The following CACNA1B variants were observed in gnomAD, a reference collection of about 807,000 sequenced individuals.
CACNA1B encodes the protein calcium voltage-gated channel subunit alpha1 B, also known as voltage-dependent N-type calcium channel subunit alpha-1B.
In CACNA1B, 70 loss-of-function variants were observed where a neutral mutation model predicts 247.2. That is an observed-to-expected ratio of 0.28 (90% CI 0.23 to 0.35). CACNA1B has a LOEUF of 0.35. Among genes scored for constraint, CACNA1B ranks in the 10% least tolerant of loss-of-function variants. The pLI, the probability that CACNA1B is intolerant of heterozygous loss-of-function variation, is 1.00. For missense variants in CACNA1B, 2,367 were observed against 3,197.4 expected, an observed-to-expected ratio of 0.74 and a Z score of 6.26; for synonymous variants, 1,231 against 1,294.4, an observed-to-expected ratio of 0.95 and a Z score of 1.05.
At chr9:138,091,027 C>T (rs1181464220) in intron 36 of CACNA1B, among the ~76,000 whole-genome samples, 2 of 152,102 alleles carry the variant, frequency 1.3e-5, no homozygotes, top group African/African-American at 4.8e-5. Flanking sequence ...CTAGCAATTC[C>T]ACTACTGGGT....
At chr9:138,039,137 A>G (rs1383855429) in intron 20 of CACNA1B, among the ~76,000 whole-genome samples, 2 of 152,114 alleles carry the variant, frequency 1.3e-5, no homozygotes, top group Non-Finnish European at 2.9e-5. Flanking sequence ...CAGAGGTTGT[A>G]GTGAGCCAAG....
rs1164495012 is a variant in CACNA1B, at chr9:138,051,914, G to T, written c.3711-178G>T. ...GAGGCCCGGGCCAGGCAGCCCCTGG[G>T]AAGAGTCATGGTGGCCTGTGGCACC... On this transcript the variant is annotated intron_variant, in intron 24 of 46. Coordinates refer to ENST00000371372, the MANE Select transcript of CACNA1B (RefSeq NM_000718.4). The surrounding 1 kb of genome is among the most constrained non-coding windows in gnomAD (Gnocchi z 4.3). Among the ~76,000 whole-genome samples, 1 of 152,144 alleles carries T rather than the reference G, an allele frequency of 6.6e-6. No individual in the cohort carries two copies. The highest frequency in any genetic ancestry group is 2.4e-5 in the African/African-American group (1 of 41,436).
At chr9:137,964,140 A>G (rs949600974) in intron 10 of CACNA1B, among the ~76,000 whole-genome samples, 1 of 151,828 alleles carries the variant, frequency 6.6e-6, no homozygotes, top group Admixed American at 6.6e-5. Flanking sequence ...CTTCACTTCA[A>G]CCTTAGAGAG....
At chr9:137,941,986 T>G (rs1009614113) in intron 6 of CACNA1B, among the ~76,000 whole-genome samples, 5 of 152,096 alleles carry the variant, frequency 3.3e-5, no homozygotes, top group African/African-American at 7.2e-5. Flanking sequence ...TAGCTGGGAC[T>G]TAATTAAATC....
In CACNA1B at chr9:137,986,586, C is replaced by T. The variant is rs766205175; in HGVS notation, c.1901+42C>T. 1.2e-6 allele frequency: 2 copies of T among 1,609,866 alleles called. No homozygotes were observed. The highest frequency in any genetic ancestry group is 1.3e-5 in the African/African-American group (1 of 75,014). ...GGGAGAGCTCAAGGCTGGGGGCTTG[C>T]AGGGAAGCAGAGCTCAGAGCAGACG... On this transcript the variant is annotated intron_variant, in intron 14 of 46. Coordinates refer to ENST00000371372, the MANE Select transcript of CACNA1B (RefSeq NM_000718.4). The surrounding 1 kb of genome is among the most constrained non-coding windows in gnomAD (Gnocchi z 6.0).
intron 6 of CACNA1B, among the ~76,000 whole-genome samples, chr9:137,925,663 A>G (rs1475532882): frequency 6.6e-6 from 1 of 151,882 alleles, no homozygotes; most frequent in African/African-American, 2.4e-5. Flanking sequence ...ATTTGCAAAC[A>G]GAAACAGTTT....
At chr9:138,038,348 T>C (rs902091150) in intron 20 of CACNA1B, among the ~76,000 whole-genome samples, 5 of 152,208 alleles carry the variant, frequency 3.3e-5, no homozygotes, top group African/African-American at 1.2e-4. Context: ...GCACACTTCC[T>C]GTCCCCGATC....
chr9:138,005,967 T>C (rs1028282635), intron 15 of CACNA1B, among the ~76,000 whole-genome samples: 1 of 142,112 alleles, frequency 7.0e-6, no homozygotes, highest in Admixed American at 7.7e-5. Context: ...GGCGTGAACC[T>C]GGGAGACGGA....
intron 3 of CACNA1B, among the ~76,000 whole-genome samples, chr9:137,905,741 C>G (rs1564883495): frequency 6.6e-6 from 1 of 152,308 alleles, no homozygotes; most frequent in East Asian, 1.9e-4. Context: ...CATCATAACT[C>G]AAAAAATATT....
intron 40 of CACNA1B, among the ~76,000 whole-genome samples, chr9:138,114,125 G>A (rs923662007): frequency 3.9e-5 from 6 of 152,146 alleles, no homozygotes; most frequent in Non-Finnish European, 7.3e-5. Flanking sequence ...GCCTCAGCCC[G>A]GTCTTGAGAG....
chr9:138,083,397 C>T (rs1960591346), intron 36 of CACNA1B, among the ~76,000 whole-genome samples: 1 of 151,082 alleles, frequency 6.6e-6, no homozygotes, highest in African/African-American at 2.5e-5. Flanking sequence ...GCCCATAGGC[C>T]AGAGCTGAAG....
intron 15 of CACNA1B, among the ~76,000 whole-genome samples, chr9:137,991,414 A>T (rs1055713863): frequency 6.6e-6 from 1 of 152,250 alleles, no homozygotes; most frequent in Non-Finnish European, 1.5e-5. Context: ...TCCAAGAAGT[A>T]TGGGACTAAG....
Position 138,014,210 on chromosome 9 carries a change from A to T in CACNA1B, c.2267+975A>T, listed in dbSNP as rs1958762166. On this transcript the variant is annotated intron_variant, in intron 18 of 46. Transcript: ENST00000371372. The surrounding 1 kb of genome is among the most constrained non-coding windows in gnomAD (Gnocchi z 6.2). ...GGGTAAGCATGCTGGCATGTGGATGAGTGTGCTAGGTGTGTGTGTGTGCAC... is the reference window on the plus strand; with the variant it reads ...GGGTAAGCATGCTGGCATGTGGATGTGTGTGCTAGGTGTGTGTGTGTGCAC... 6.6e-6 allele frequency among the ~76,000 whole-genome samples: 1 copy of T among 152,076 alleles called. No homozygotes were observed. The highest frequency in any genetic ancestry group is 2.4e-5 in the African/African-American group (1 of 41,402).
At chr9:138,080,000 G>A (rs1960471989) in intron 36 of CACNA1B, among the ~76,000 whole-genome samples, 3 of 152,176 alleles carry the variant, frequency 2.0e-5, no homozygotes, top group African/African-American at 7.2e-5. Flanking sequence ...TTTGAGAGCC[G>A]GTAAGAGGAG....
rs1029884548 is a variant in CACNA1B, at chr9:138,010,435, G to C, written c.2160+358G>C. On this transcript the variant is annotated intron_variant, in intron 17 of 46. Coordinates refer to ENST00000371372, the MANE Select transcript of CACNA1B (RefSeq NM_000718.4). This position sits in a 1 kb window ranked among gnomAD's most constrained non-coding sequence, Gnocchi z 5.3. ...CAGCTGCTGCTTCAGGCAGTGCTCA[G>C]CGGGTGCCATTTTAATATTCATCTC... Among the ~76,000 whole-genome samples, 1 of 152,204 alleles carries C rather than the reference G, an allele frequency of 6.6e-6. No homozygotes were observed. Among genetic ancestry groups the C allele is most frequent in the Non-Finnish European group, 1.5e-5 (1 of 68,026 alleles).
chr9:138,011,075 C>T lies in CACNA1B; in HGVS notation c.2160+998C>T, dbSNP rs150208278. ...TTACTCCCACGCCTCCAGACCTGGG[C>T]CATGGCCATGCCTATGCCTAGGGGC... On this transcript the variant is annotated intron_variant, in intron 17 of 46. Coordinates refer to ENST00000371372, the MANE Select transcript of CACNA1B (RefSeq NM_000718.4). The surrounding 1 kb of genome is among the most constrained non-coding windows in gnomAD (Gnocchi z 4.2). Among the ~76,000 whole-genome samples, 143 of 152,344 alleles carry T rather than the reference C, an allele frequency of 9.4e-4. No homozygotes were observed. Among genetic ancestry groups the T allele is most frequent in the African/African-American group, 3.3e-3 (136 of 41,574 alleles).
chr9:138,110,485 T>C (rs1197400954), intron 39 of CACNA1B, among the ~76,000 whole-genome samples: 2 of 151,992 alleles, frequency 1.3e-5, no homozygotes, highest in African/African-American at 2.4e-5. Context: ...TGATTAACTT[T>C]GAGAGAAGAG....
intron 15 of CACNA1B, among the ~76,000 whole-genome samples, chr9:137,992,123 T>C (rs548959807): frequency 5.3e-5 from 8 of 152,324 alleles, no homozygotes; most frequent in Non-Finnish European, 1.0e-4. Flanking sequence ...ATGACCTAAA[T>C]GCTCCACTTA....
At chr9:138,017,159 G>A (rs1325000623) in intron 18 of CACNA1B, 1 of 519,056 alleles carries the variant, frequency 1.9e-6, no homozygotes, top group Admixed American at 1.9e-5. Context: ...CAAGCTCGAG[G>A]TACTGTATCT....
Sources: allele counts gnomAD v4.1 joint callset (sites outside exome capture counted in the v4.1 genomes callset), GRCh38; gene constraint gnomAD v4.1.1; non-coding constraint Gnocchi (gnomAD v3.1); transcripts MANE v1.5; gene names NCBI Gene and HGNC (gene_info 2026-07-23, HGNC 2026-07-21).